CHN2: variants seen among roughly 807,000 people sequenced by gnomAD.
CHN2 encodes the protein chimerin 2.
In CHN2, 35 loss-of-function variants were observed where a neutral mutation model predicts 56.3. The observed-to-expected ratio is 0.62, with a 90% CI of 0.47 to 0.82. The LOEUF (loss-of-function observed/expected upper bound fraction) is 0.82, where lower values mean the gene tolerates loss of function less well. Ranked by LOEUF, CHN2 falls within the 40% of genes least tolerant of loss-of-function variation. The pLI, the probability that CHN2 is intolerant of heterozygous loss-of-function variation, is 0.00. For missense variants in CHN2, 491 were observed against 580.5 expected, an observed-to-expected ratio of 0.85 and a Z score of 1.58; for synonymous variants, 210 against 212.8, an observed-to-expected ratio of 0.99 and a Z score of 0.12.
intron 6 of CHN2, among the ~76,000 whole-genome samples, chr7:29,423,515 A>G (rs1186166515): frequency 6.6e-6 from 1 of 152,186 alleles, no homozygotes; most frequent in Non-Finnish European, 1.5e-5. Flanking sequence ...CCCCTGCCCA[A>G]TCTTGCATCC....
chr7:29,287,080 C>T (rs1792206974), intron 1 of CHN2, among the ~76,000 whole-genome samples: 1 of 152,038 alleles, frequency 6.6e-6, no homozygotes, highest in African/African-American at 2.4e-5. Context: ...TGGTGGAGTC[C>T]CCTCTATGCT....
Position 29,512,600 on chromosome 7 carries a change from A to AGAAAATCTGGG in CHN2, c.1275_1285dup (p.Ile429LysfsTer11). On this transcript the variant is annotated frameshift_variant, in exon 13 of 13. Coordinates refer to ENST00000222792, the MANE Select transcript of CHN2 (RefSeq NM_004067.4). LOFTEE classifies it high-confidence loss of function. ...ATGAAAAAGACAATTTCATGAATGC[A>AGAAAATCTGGG]GAAAATCTGGGGATCGTGTTTGGGC... is the stretch of plus-strand genomic sequence containing the variant. 6.2e-7 allele frequency: 1 copy of AGAAAATCTGGG among 1,613,574 alleles called. No individual in the cohort carries two copies. The highest frequency in any genetic ancestry group is 8.5e-7 in the Non-Finnish European group (1 of 1,179,842).
chr7:29,478,978 G>A (rs1293470457), intron 6 of CHN2, among the ~76,000 whole-genome samples: 9 of 152,156 alleles, frequency 5.9e-5, no homozygotes, highest in African/African-American at 1.7e-4. Context: ...ACTGCAGCAT[G>A]GGGCCCTTGT....
intron 1 of CHN2, among the ~76,000 whole-genome samples, chr7:29,346,754 G>A (rs1181461851): frequency 1.3e-5 from 2 of 152,148 alleles, no homozygotes; most frequent in Admixed American, 6.5e-5. Context: ...CCACTGAGCC[G>A]AGTGAAGGAA....
intron 6 of CHN2, among the ~76,000 whole-genome samples, chr7:29,419,628 A>G (rs1458927689): frequency 6.6e-6 from 1 of 151,698 alleles, no homozygotes; most frequent in Non-Finnish European, 1.5e-5. Context: ...AAACTCCTAC[A>G]ACTCAACAAC....
intron 6 of CHN2, among the ~76,000 whole-genome samples, chr7:29,418,870 C>T (rs776030145): frequency 2.0e-5 from 3 of 152,192 alleles, no homozygotes; most frequent in Non-Finnish European, 4.4e-5. Flanking sequence ...TGTCAATTAG[C>T]ACTCTATGTA....
chr7:29,339,150 C>T (rs965295845), intron 1 of CHN2, among the ~76,000 whole-genome samples: 2 of 152,112 alleles, frequency 1.3e-5, no homozygotes, highest in African/African-American at 4.8e-5. Context: ...GTAGTGGTCA[C>T]TTCATGGAAT....
At chr7:29,487,264 G>A (rs962593284) in intron 7 of CHN2, among the ~76,000 whole-genome samples, 1 of 151,590 alleles carries the variant, frequency 6.6e-6, no homozygotes, top group African/African-American at 2.4e-5. Flanking sequence ...AGAAAAGGCT[G>A]TTTTGCCAGA....
At chr7:29,430,183 A>G (rs998250914) in intron 6 of CHN2, among the ~76,000 whole-genome samples, 1 of 152,208 alleles carries the variant, frequency 6.6e-6, no homozygotes, top group African/African-American at 2.4e-5. Flanking sequence ...CTGAACAGAA[A>G]GGCCAAGATA....
At chr7:29,406,623 G>A (rs1802674396) in intron 6 of CHN2, among the ~76,000 whole-genome samples, 2 of 151,996 alleles carry the variant, frequency 1.3e-5, no homozygotes, top group African/African-American at 2.4e-5. Flanking sequence ...TGTGTCCAGC[G>A]TCATTGTTTT....
intron 1 of CHN2, among the ~76,000 whole-genome samples, chr7:29,222,989 A>T (rs927290781): frequency 1.4e-4 from 21 of 152,210 alleles, no homozygotes; most frequent in Non-Finnish European, 1.0e-4. Flanking sequence ...GAATATATCA[A>T]GAATCTTACA....
chr7:29,385,056 G>T (rs867863109), intron 3 of CHN2, among the ~76,000 whole-genome samples: 2 of 152,234 alleles, frequency 1.3e-5, no homozygotes, highest in East Asian at 3.9e-4. Flanking sequence ...GAGGGAGGAG[G>T]TTCCCTTATT....
At chr7:29,410,431 G>A (rs1009184806) in intron 6 of CHN2, among the ~76,000 whole-genome samples, 10 of 151,948 alleles carry the variant, frequency 6.6e-5, no homozygotes, top group Non-Finnish European at 1.3e-4. Context: ...AGTATTTAGG[G>A]TTCTCTTGAT....
At chr7:29,446,566 G>T (rs1393743585) in intron 6 of CHN2, among the ~76,000 whole-genome samples, 1 of 152,168 alleles carries the variant, frequency 6.6e-6, no homozygotes, top group Non-Finnish European at 1.5e-5. Context: ...CTCAGGCAGG[G>T]CCCAGGGGAC....
chr7:29,398,616 G>GT (rs1801955498), intron 5 of CHN2, 130 bp downstream of exon 5: 2 of 595,974 alleles, frequency 3.4e-6, no homozygotes, highest in Middle Eastern at 4.6e-4. Flanking sequence ...TATGTTATGA[G>GT]GGGGGGGTCC....
chr7:29,457,448 C>T (rs1350920070), intron 6 of CHN2, among the ~76,000 whole-genome samples: 7 of 152,146 alleles, frequency 4.6e-5, no homozygotes, highest in South Asian at 2.1e-4. Flanking sequence ...AATCTGAGAA[C>T]GAGATTCTGG....
intron 1 of CHN2, among the ~76,000 whole-genome samples, chr7:29,238,036 T>TTTTA (rs397966948): frequency 1.3e-5 from 2 of 149,678 alleles, no homozygotes; most frequent in African/African-American, 2.5e-5. Context: ...TTTTTTTTTT[T>TTTTA]AGAAGGAGTG....
chr7:29,384,365 G>C (rs1334343779), intron 3 of CHN2, among the ~76,000 whole-genome samples: 2 of 152,156 alleles, frequency 1.3e-5, no homozygotes, highest in Non-Finnish European at 2.9e-5. Context: ...CCCTGCCTCT[G>C]CATGATCTTC....
At chr7:29,296,430 G>A (rs893822247) in intron 1 of CHN2, among the ~76,000 whole-genome samples, 2 of 152,082 alleles carry the variant, frequency 1.3e-5, no homozygotes, top group African/African-American at 4.8e-5. Flanking sequence ...GTGTTTTATT[G>A]AAGCATATGC....
Sources: gnomAD v4.1 joint callset for allele counts (sites outside exome capture counted in the v4.1 genomes callset) on GRCh38, gnomAD v4.1.1 for gene constraint, MANE v1.5 for transcripts, NCBI Gene and HGNC (gene_info 2026-07-23, HGNC 2026-07-21) for gene names.